The following OPRD1 variants were observed in gnomAD, a reference collection of about 807,000 sequenced individuals.
The protein encoded by OPRD1 is opioid receptor delta 1.
OPRD1 carries 19 observed loss-of-function variants against 17.5 expected under a neutral mutation model. The ratio of observed to expected loss-of-function variants is 1.09; its 90% CI spans 0.76 to 1.60. The LOEUF (loss-of-function observed/expected upper bound fraction) is 1.60, where lower values mean the gene tolerates loss of function less well. Ranked by LOEUF, OPRD1 falls within the 40% of genes most tolerant of loss-of-function variation. OPRD1 has a pLI of 0.00. For missense variants in OPRD1, 483 were observed against 547.2 expected, an observed-to-expected ratio of 0.88 and a Z score of 1.17; for synonymous variants, 256 against 240.9, an observed-to-expected ratio of 1.06 and a Z score of -0.58.
In OPRD1 at chr1:28,812,387, G is replaced by T; in HGVS notation, c.4G>T (p.Glu2Ter). 7.0e-7 allele frequency: 1 copy of T among 1,421,036 alleles called. No individual in the cohort carries two copies. The highest frequency in any genetic ancestry group is 9.1e-7 in the Non-Finnish European group (1 of 1,094,500). The allele number at this position is 1,421,036 out of a possible 1,614,324, so 88.0% of individuals were successfully genotyped here. Residue 2 changes from glutamate (E) to a stop codon, truncating the protein, a stop_gained, in exon 1 of 3, where the codon GAA becomes TAA. Transcript: ENST00000234961. LOFTEE classifies it high-confidence loss of function. ...GCGGCGGAGCCGGCCGGCAGCCATG[G>T]AACCGGCCCCCTCCGCCGGCGCCGA... The part of the protein sequence containing the change: M[E>*]PAPSAGAELQ...
intron 1 of OPRD1, among the ~76,000 whole-genome samples, chr1:28,849,669 G>A (rs1000705483): frequency 6.6e-6 from 1 of 152,196 alleles, no homozygotes; most frequent in Admixed American, 6.5e-5. Context: ...AGAGAGGAAG[G>A]CTAAAGCAGA....
intron 2 of OPRD1, among the ~76,000 whole-genome samples, chr1:28,859,584 G>A (rs1021465961): frequency 6.6e-6 from 1 of 152,190 alleles, no homozygotes. Flanking sequence ...TGGCCAAAGG[G>A]AATGTATGAA....
At position 28,849,565 on chromosome 1, in the gene OPRD1, C is replaced by T. The variant is rs149581819; in HGVS notation, c.228-9389C>T. Among the ~76,000 whole-genome samples the T allele has an allele frequency of 2.4e-3, 365 of 152,314 alleles. 3 individuals are homozygous for T. Among genetic ancestry groups the T allele is most frequent in the African/African-American group, 8.3e-3 (347 of 41,576 alleles). ...ACACGTGCCCACGCACACGTGCACA[C>T]GCACGGAGCTGCCAGTTATTTAGTG... On this transcript the variant is annotated intron_variant, in intron 1 of 2. Transcript: ENST00000234961.
In OPRD1 at chr1:28,862,863, T is replaced by C; in HGVS notation, c.699T>C (p.Tyr233=). 1 of 1,612,824 alleles carries C rather than the reference T, an allele frequency of 6.2e-7. No individual in the cohort carries two copies. Among genetic ancestry groups the C allele is most frequent in the Non-Finnish European group, 8.5e-7 (1 of 1,180,018 alleles). ...CCATCCTCATCATCACCGTGTGCTA[T>C]GGCCTCATGCTGCTGCGCCTGCGCA... ...VVPILIITVC[Y]GLMLLRLRSV... is the part of the protein sequence containing the mutation. The change falls in exon 3 of 3, where the codon TAT becomes TAC. Residue 233 remains tyrosine (Y), a synonymous_variant. Coordinates refer to ENST00000234961, the MANE Select transcript of OPRD1 (RefSeq NM_000911.4).
chr1:28,846,410 C>T (rs1349089022), intron 1 of OPRD1, among the ~76,000 whole-genome samples: 1 of 146,560 alleles, frequency 6.8e-6, no homozygotes, highest in Non-Finnish European at 1.5e-5. Flanking sequence ...GCTGCCTCAT[C>T]ACTGCCCTCA....
chr1:28,858,641 G>A lies in OPRD1; in HGVS notation c.228-313G>A, dbSNP rs147870831. 5.5e-3 allele frequency among the ~76,000 whole-genome samples: 836 copies of A among 151,156 alleles called. 6 individuals carry two copies. The highest frequency in any genetic ancestry group is 9.2e-3 in the Non-Finnish European group (623 of 67,858). On this transcript the variant is annotated intron_variant, in intron 1 of 2. Transcript: ENST00000234961. The stretch of plus-strand genomic sequence containing the variant: ...GCTCACTGCAACCTCTGCCTCCCAG[G>A]TTCAAGCAATTTTCCTGCCTCAGCC...
intron 1 of OPRD1, among the ~76,000 whole-genome samples, chr1:28,845,329 C>CAA (rs111563719): frequency 6.8e-6 from 1 of 147,146 alleles, no homozygotes; most frequent in African/African-American, 2.5e-5. Flanking sequence ...ACTAAAAATA[C>CAA]AAAAAAAAAA....
intron 1 of OPRD1, among the ~76,000 whole-genome samples, chr1:28,841,408 A>C (rs1412377426): frequency 6.6e-6 from 1 of 152,226 alleles, no homozygotes; most frequent in Non-Finnish European, 1.5e-5. Context: ...CACAGACCCA[A>C]GTGGTTATGA....
intron 1 of OPRD1, among the ~76,000 whole-genome samples, chr1:28,814,438 G>A (rs904744604): frequency 6.6e-6 from 1 of 152,216 alleles, no homozygotes; most frequent in African/African-American, 2.4e-5. Context: ...TGTAGAATCT[G>A]ACTAAAGAAG....
At chr1:28,814,510 C>T (rs1342159285) in intron 1 of OPRD1, among the ~76,000 whole-genome samples, 5 of 152,204 alleles carry the variant, frequency 3.3e-5, no homozygotes, top group Non-Finnish European at 4.4e-5. Flanking sequence ...TCTGAGAGCT[C>T]CGGATTCCTG....
chr1:28,861,327 G>A (rs2089117226), intron 2 of OPRD1, among the ~76,000 whole-genome samples: 1 of 152,070 alleles, frequency 6.6e-6, no homozygotes, highest in Non-Finnish European at 1.5e-5. Context: ...TCCAGCCCAA[G>A]CCCACACTCC....
At chr1:28,842,888 A>G (rs2088906268) in intron 1 of OPRD1, among the ~76,000 whole-genome samples, 1 of 152,156 alleles carries the variant, frequency 6.6e-6, no homozygotes. Context: ...CAACATAGCA[A>G]GATCCCATCT....
intron 1 of OPRD1, among the ~76,000 whole-genome samples, chr1:28,852,649 C>T (rs2089015473): frequency 6.6e-6 from 1 of 152,140 alleles, no homozygotes; most frequent in African/African-American, 2.4e-5. Flanking sequence ...CCATTGCACT[C>T]CAGCCTGGAC....
intron 1 of OPRD1, among the ~76,000 whole-genome samples, chr1:28,824,313 C>CTTTTT (rs58074384): frequency 8.2e-5 from 9 of 109,780 alleles, no homozygotes; most frequent in African/African-American, 1.1e-4. Context: ...TTTCTTTTTT[C>CTTTTT]TTTTTTTTTT....
At chr1:28,852,540 A>C (rs2089014730) in intron 1 of OPRD1, among the ~76,000 whole-genome samples, 1 of 152,100 alleles carries the variant, frequency 6.6e-6, no homozygotes. Context: ...CATGGTGGTG[A>C]GCACCTGTAG....
intron 1 of OPRD1, among the ~76,000 whole-genome samples, chr1:28,822,581 A>G (rs1010432843): frequency 1.3e-5 from 2 of 151,858 alleles, no homozygotes; most frequent in Non-Finnish European, 2.9e-5. Context: ...CCCTGGGTTC[A>G]AGCAATTCTC....
At chr1:28,842,590 T>G (rs922335783) in intron 1 of OPRD1, among the ~76,000 whole-genome samples, 2 of 151,882 alleles carry the variant, frequency 1.3e-5, no homozygotes, top group Non-Finnish European at 2.9e-5. Context: ...AACAGAGGAG[T>G]GTAGGGCTCC....
chr1:28,823,171 G>C (rs2088729945), intron 1 of OPRD1, among the ~76,000 whole-genome samples: 1 of 145,604 alleles, frequency 6.9e-6, no homozygotes, highest in African/African-American at 2.5e-5. Flanking sequence ...TGTGCAGAAA[G>C]AATCTTTTCT....
At chr1:28,819,190 C>T (rs971064696) in intron 1 of OPRD1, among the ~76,000 whole-genome samples, 46 of 151,888 alleles carry the variant, frequency 3.0e-4, no homozygotes, top group Admixed American at 4.6e-4. Context: ...AACAAGAAGG[C>T]AGGAAGCTGT....
Sources: allele counts gnomAD v4.1 joint callset (sites outside exome capture counted in the v4.1 genomes callset), GRCh38; gene constraint gnomAD v4.1.1; transcripts MANE v1.5; gene names NCBI Gene and HGNC (gene_info 2026-07-23, HGNC 2026-07-21).